The following MCMBP variants were observed in gnomAD, a reference collection of about 807,000 sequenced individuals.
MCMBP encodes the protein mini-chromosome maintenance complex-binding protein.
MCMBP carries 31 observed loss-of-function variants against 81.3 expected under a neutral mutation model. That is an observed-to-expected ratio of 0.38 (90% CI 0.29 to 0.51). The LOEUF (loss-of-function observed/expected upper bound fraction) is 0.51. Ranked by LOEUF, MCMBP falls within the 20% of genes least tolerant of loss-of-function variation. The pLI is 0.87. For missense variants in MCMBP, 645 were observed against 772.1 expected (o/e 0.84, Z 1.95); for synonymous variants, 267 against 275.9 (o/e 0.97, Z 0.32).
At position 119,849,642 on chromosome 10, in the gene MCMBP, A is replaced by AT. The variant is rs528733703; in HGVS notation, c.575-67dup. On this transcript the variant is annotated intron_variant, in intron 6 of 15. Transcript: ENST00000369077. Reference sequence around the variant, plus strand: ...GCCTCCTGGAGAAAAAGAACATTCCATAAGTGCCTTTCAAGTTTGATATAC... The same window carrying AT: ...GCCTCCTGGAGAAAAAGAACATTCCATTAAGTGCCTTTCAAGTTTGATATAC... 1,384 of 1,427,592 alleles carry AT rather than the reference A, an allele frequency of 9.7e-4. 15 individuals are homozygous for AT. The African/African-American group carries it at 0.019, about 19-fold the overall frequency. The allele number at this position is 1,427,592 out of a possible 1,614,324, so 88.4% of individuals were successfully genotyped here. A position where few individuals can be genotyped will look rare whatever the true frequency, so the allele number is the denominator to read the frequency against.
chr10:119,855,801 G>C (rs1853019172), intron 5 of MCMBP, among the ~76,000 whole-genome samples: 1 of 152,152 alleles, frequency 6.6e-6, no homozygotes, highest in Non-Finnish European at 1.5e-5. Context: ...GAATGAAAGA[G>C]ATCAATGCTA....
chr10:119,852,940 GAT>G, intron 6 of MCMBP, 108 bp downstream of exon 6: 10 of 1,326,212 alleles, frequency 7.5e-6, no homozygotes, highest in Non-Finnish European at 8.4e-6. Flanking sequence ...CTGTAACTCT[GAT>G]AAATTGCCAG....
At chr10:119,860,126 A>C (rs919486064) in intron 1 of MCMBP, among the ~76,000 whole-genome samples, 2 of 152,008 alleles carry the variant, frequency 1.3e-5, no homozygotes, top group Non-Finnish European at 2.9e-5. Flanking sequence ...GAGGATGCTG[A>C]CCTCCTGCAG....
At chr10:119,837,836 T>C (rs887944060) in intron 12 of MCMBP, among the ~76,000 whole-genome samples, 1 of 152,194 alleles carries the variant, frequency 6.6e-6, no homozygotes, top group African/African-American at 2.4e-5. Context: ...TTTGAGGTAT[T>C]AGATGACTAA....
intron 5 of MCMBP, among the ~76,000 whole-genome samples, chr10:119,855,858 T>G (rs951552424): frequency 2.0e-5 from 3 of 152,226 alleles, no homozygotes; most frequent in African/African-American, 7.2e-5. Flanking sequence ...AAGTTTTATG[T>G]CAATAAATTC....
At chr10:119,853,296 T>A in intron 5 of MCMBP, 102 bp from the exon 6 acceptor site, 1 of 1,200,778 alleles carries the variant, frequency 8.3e-7, no homozygotes, top group Non-Finnish European at 1.2e-6. Flanking sequence ...GCAATTCAGT[T>A]AAAATAGAAT....
rs938023429 is a variant in MCMBP at position 119,853,322 on chromosome 10, G to A, written c.430-128C>T. 11 of 931,220 alleles carry A rather than the reference G, an allele frequency of 1.2e-5. No homozygotes were observed. The African/African-American group carries it at 1.8e-4, about 16-fold the overall frequency. 57.7% of individuals were successfully genotyped at this position (931,220 alleles called of 1,614,324 possible). Reference sequence around the variant, plus strand: ...AAAATAGAATGCATTTTCATAAAAGGAGGCTAGACTTCCAGTTCTGGTCAT... The same window carrying A: ...AAAATAGAATGCATTTTCATAAAAGAAGGCTAGACTTCCAGTTCTGGTCAT... On this transcript the variant is annotated intron_variant, in intron 5 of 15. Transcript: ENST00000369077.
intron 1 of MCMBP, 80 bp downstream of exon 1, chr10:119,872,447 G>C: frequency 4.5e-6 from 4 of 879,920 alleles, no homozygotes; most frequent in Non-Finnish European, 5.8e-6. Context: ...TACCGCGTGG[G>C]GGCCGCGCGG....
At chr10:119,868,972 C>T (rs1472011044) in intron 1 of MCMBP, among the ~76,000 whole-genome samples, 1 of 152,180 alleles carries the variant, frequency 6.6e-6, no homozygotes, top group African/African-American at 2.4e-5. Flanking sequence ...ACAAGGGCCT[C>T]ATAAACCACT....
At chr10:119,843,093 T>C (rs1199008299) in intron 9 of MCMBP, 161 bp downstream of exon 9, 2 of 764,076 alleles carry the variant, frequency 2.6e-6, no homozygotes, top group East Asian at 2.9e-5. Context: ...AGAGAATTAA[T>C]GTAAGAGAAA....
chr10:119,834,316 C>T (rs1343142220), intron 14 of MCMBP, among the ~76,000 whole-genome samples: 1 of 152,124 alleles, frequency 6.6e-6, no homozygotes, highest in Non-Finnish European at 1.5e-5. Flanking sequence ...TCAAAAGCCA[C>T]AAAATCTTGA....
At chr10:119,855,882 A>G (rs768068532) in intron 5 of MCMBP, among the ~76,000 whole-genome samples, 2 of 152,222 alleles carry the variant, frequency 1.3e-5, no homozygotes, top group Non-Finnish European at 2.9e-5. Context: ...AACTGGGTTT[A>G]AATGACTTCA....
In MCMBP at chr10:119,858,897, A is replaced by G. The variant is rs1589796310; in HGVS notation, c.314T>C (p.Val105Ala). Residue 105 changes from valine to alanine, a missense_variant, in exon 4 of 16, where the codon GTA becomes GCA. By Grantham distance (64) the Val-to-Ala change is moderately conservative (BLOSUM62 0). Coordinates refer to ENST00000369077, the MANE Select transcript of MCMBP (RefSeq NM_001256378.2). Reference sequence around the variant, plus strand: ...AAAGATACATACCCCACACTCTGCTACATCTCTATATTTTCCAAAATGAAG... The same window carrying G: ...AAAGATACATACCCCACACTCTGCTGCATCTCTATATTTTCCAAAATGAAG... ...HVLHFGKYRD[V>A]AECGPQQELD... is the part of the protein sequence containing the mutation. 1.9e-6 allele frequency: 3 copies of G among 1,610,000 alleles called. No individual in the cohort carries two copies. Among genetic ancestry groups the G allele is most frequent in the East Asian group, 4.5e-5 (2 of 44,780 alleles).
intron 11 of MCMBP, among the ~76,000 whole-genome samples, chr10:119,839,443 T>C (rs1172965067): frequency 6.6e-6 from 1 of 152,170 alleles, no homozygotes; most frequent in African/African-American, 2.4e-5. Flanking sequence ...TGCGAAAATT[T>C]AGAGGAGTTT....
chr10:119,873,366 C>T (rs1157175828), upstream of MCMBP: 5 of 152,244 alleles, frequency 3.3e-5, no homozygotes, highest in African/African-American at 7.2e-5. Context: ...GAAGGGGAAC[C>T]TCGGAGGACC....
intron 6 of MCMBP, among the ~76,000 whole-genome samples, chr10:119,851,209 T>A (rs887474683): frequency 1.3e-5 from 2 of 152,102 alleles, no homozygotes; most frequent in Non-Finnish European, 2.9e-5. Context: ...GTCTATACTG[T>A]GTCAAAATAA....
rs1851959625 is a variant in MCMBP at position 119,830,178 on chromosome 10, T to C, written c.*1296A>G. ...TTCCTTGATTTTTCAAGGCTGACCC[T>C]GTTTCCTTGGTTAACAATTTCAATT... On this transcript the variant is annotated 3_prime_UTR_variant, in exon 16 of 16. Coordinates refer to ENST00000369077, the MANE Select transcript of MCMBP (RefSeq NM_001256378.2). 1 of 152,666 alleles carries C rather than the reference T, an allele frequency of 6.6e-6. No homozygotes were observed. Among genetic ancestry groups the C allele is most frequent in the South Asian group, 2.1e-4 (1 of 4,830 alleles). 9.5% of individuals were successfully genotyped at this position (152,666 alleles called of 1,614,324 possible).
intron 4 of MCMBP, 90 bp from the exon 5 acceptor site, chr10:119,857,529 ACAC>A (rs1408618392): frequency 3.0e-6 from 2 of 662,364 alleles, no homozygotes; most frequent in African/African-American, 3.7e-5. Flanking sequence ...TCACATTATA[ACAC>A]CACAGCAAAT....
At chr10:119,866,184 C>T (rs61869123) in intron 1 of MCMBP, among the ~76,000 whole-genome samples, 8,404 of 151,966 alleles carry the variant, frequency 0.055, 425 homozygotes, top group South Asian at 0.27. Context: ...AGCCAGACCT[C>T]AAAGGCCACA....
Sources: gnomAD v4.1 joint callset for allele counts (sites outside exome capture counted in the v4.1 genomes callset) on GRCh38, gnomAD v4.1.1 for gene constraint, MANE v1.5 for transcripts, NCBI Gene and HGNC (gene_info 2026-07-23, HGNC 2026-07-21) for gene names.